Variants in TEC observed in about 807,000 individuals in gnomAD.
TEC encodes the protein tec protein tyrosine kinase, also known as tyrosine-protein kinase Tec.
TEC carries 72 observed loss-of-function variants against 93.0 expected under a neutral mutation model. The ratio of observed to expected loss-of-function variants is 0.77; its 90% CI spans 0.64 to 0.94. TEC has a LOEUF of 0.94. Among genes scored for constraint, TEC ranks in the 40% least tolerant of loss-of-function variants. The probability of loss-of-function intolerance (pLI) is 0.00; values close to 1 mark genes in which losing one functional copy is unlikely to be tolerated. For synonymous variants in TEC, 249 were observed against 247.7 expected (o/e 1.01, Z -0.05); for missense variants, 630 against 757.9 (o/e 0.83, Z 1.98).
intron 9 of TEC, among the ~76,000 whole-genome samples, chr4:48,152,537 T>C (rs1720217778): frequency 1.3e-5 from 2 of 152,244 alleles, no homozygotes; most frequent in Admixed American, 6.5e-5. Context: ...TGTTCTAGCA[T>C]ATTAATTTAT....
intron 1 of TEC, among the ~76,000 whole-genome samples, chr4:48,239,805 G>A (rs867231547): frequency 6.6e-6 from 1 of 152,012 alleles, no homozygotes; most frequent in Non-Finnish European, 1.5e-5. Context: ...ATTCAGGAGG[G>A]TCTGACATAT....
At chr4:48,193,977 C>T (rs1366361409) in intron 2 of TEC, among the ~76,000 whole-genome samples, 1 of 152,078 alleles carries the variant, frequency 6.6e-6, no homozygotes, top group South Asian at 2.1e-4. Context: ...AGCAAGTAAT[C>T]CAAATACGCA....
intron 2 of TEC, among the ~76,000 whole-genome samples, chr4:48,197,744 T>G (rs1042339228): frequency 1.3e-5 from 2 of 152,204 alleles, no homozygotes; most frequent in Non-Finnish European, 2.9e-5. Context: ...TCAGCATCCA[T>G]TTTGAATAGA....
At chr4:48,236,636 C>A (rs1723793895) in intron 1 of TEC, among the ~76,000 whole-genome samples, 1 of 152,202 alleles carries the variant, frequency 6.6e-6, no homozygotes, top group African/African-American at 2.4e-5. Flanking sequence ...TTTTCTATCT[C>A]ATTGGAGTTG....
chr4:48,261,415 AT>A (rs1360771448), intron 1 of TEC, among the ~76,000 whole-genome samples: 1 of 152,204 alleles, frequency 6.6e-6, no homozygotes, highest in Non-Finnish European at 1.5e-5. Context: ...GCATGCTTAA[AT>A]CATATTGGCA....
At chr4:48,230,424 C>CA (rs1723613715) in intron 1 of TEC, among the ~76,000 whole-genome samples, 2 of 152,288 alleles carry the variant, frequency 1.3e-5, no homozygotes, top group African/African-American at 4.8e-5. Context: ...AAGAACTGAC[C>CA]ATGAAAATAC....
At chr4:48,208,887 T>C (rs910973883) in intron 2 of TEC, among the ~76,000 whole-genome samples, 3 of 152,222 alleles carry the variant, frequency 2.0e-5, no homozygotes, top group African/African-American at 7.2e-5. Flanking sequence ...TAAAAAAGAA[T>C]TGGGGGTGGT....
intron 2 of TEC, among the ~76,000 whole-genome samples, chr4:48,208,833 A>G (rs1722801112): frequency 6.6e-6 from 1 of 152,264 alleles, no homozygotes; most frequent in Admixed American, 6.5e-5. Context: ...TACTTGGCAC[A>G]AAGTAGGTGC....
chr4:48,264,325 A>T (rs987957510), intron 1 of TEC, among the ~76,000 whole-genome samples: 6 of 152,208 alleles, frequency 3.9e-5, no homozygotes, highest in Admixed American at 2.6e-4. Flanking sequence ...CAGTTAGGTG[A>T]CTGCCCCTTC....
chr4:48,186,439 C>G (rs1253078800), intron 2 of TEC, among the ~76,000 whole-genome samples: 20 of 150,724 alleles, frequency 1.3e-4, no homozygotes, highest in Admixed American at 4.0e-4. Flanking sequence ...CGCCCATCGT[C>G]TGAGATGTGG....
At chr4:48,197,899 C>T (rs1446643129) in intron 2 of TEC, among the ~76,000 whole-genome samples, 1 of 152,128 alleles carries the variant, frequency 6.6e-6, no homozygotes, top group Non-Finnish European at 1.5e-5. Flanking sequence ...CCCACTTTAT[C>T]GAAGCTTCCC....
Position 48,228,462 on chromosome 4 carries a change from G to GT in TEC, c.138+14dup. ...TACATAGAAAGCAGAAAAGTAAATC[G>GT]TGATTGTCTCTTACCTCTGCTCGAC... On this transcript the variant is annotated intron_variant, in intron 2 of 17. Transcript: ENST00000381501. 6.4e-7 allele frequency: 1 copy of GT among 1,562,964 alleles called. No homozygotes were observed. Among genetic ancestry groups the GT allele is most frequent in the Non-Finnish European group, 8.6e-7 (1 of 1,160,468 alleles).
chr4:48,264,066 G>A (rs1484127353), intron 1 of TEC, among the ~76,000 whole-genome samples: 3 of 152,128 alleles, frequency 2.0e-5, no homozygotes, highest in Non-Finnish European at 2.9e-5. Flanking sequence ...TGACAATAAA[G>A]AAATTTTTTT....
intron 2 of TEC, among the ~76,000 whole-genome samples, chr4:48,211,825 C>A (rs1722909736): frequency 6.6e-6 from 1 of 152,088 alleles, no homozygotes; most frequent in African/African-American, 2.4e-5. Context: ...AGGCTGGGCA[C>A]AGTGGCTCAT....
At chr4:48,254,612 C>T (rs1049973425) in intron 1 of TEC, among the ~76,000 whole-genome samples, 2 of 152,212 alleles carry the variant, frequency 1.3e-5, no homozygotes, top group Admixed American at 6.5e-5. Flanking sequence ...GCAAGGCCTC[C>T]GCCTACACTG....
Position 48,145,093 on chromosome 4 carries a change from T to C in TEC, c.1456A>G (p.Ile486Val). ...GMEYLERNSF[I>V]HRDLAARNCL... ...GCTAGGGTTACCAGATCTCTGTGGA[T>C]GAAGCTGTTTCTCTCCAGATACTCC... The change falls in exon 14 of 18, where the codon ATC (isoleucine) becomes GTC (valine). Residue 486 changes from isoleucine to valine, a missense_variant. Ile to Val is a conservative substitution (Grantham distance 29). Transcript: ENST00000381501. 6.2e-7 allele frequency: 1 copy of C among 1,613,980 alleles called. No individual in the cohort carries two copies. The highest frequency in any genetic ancestry group is 8.5e-7 in the Non-Finnish European group (1 of 1,179,882).
At chr4:48,235,219 A>C (rs1030269723) in intron 1 of TEC, among the ~76,000 whole-genome samples, 1 of 152,098 alleles carries the variant, frequency 6.6e-6, no homozygotes, top group Non-Finnish European at 1.5e-5. Context: ...CTATTTGGGG[A>C]TCTACCTGCT....
intron 11 of TEC, among the ~76,000 whole-genome samples, chr4:48,147,249 G>A (rs749263180): frequency 2.0e-5 from 3 of 152,110 alleles, no homozygotes; most frequent in Admixed American, 6.6e-5. Flanking sequence ...ACCATATGAC[G>A]CAGCATACCC....
chr4:48,148,937 T>A (rs1268655237), intron 11 of TEC, among the ~76,000 whole-genome samples: 1 of 152,072 alleles, frequency 6.6e-6, no homozygotes, highest in Non-Finnish European at 1.5e-5. Flanking sequence ...TGGTTTTCTG[T>A]TCCTGTGTTA....
Sources: allele counts gnomAD v4.1 joint callset (sites outside exome capture counted in the v4.1 genomes callset), GRCh38; gene constraint gnomAD v4.1.1; transcripts MANE v1.5; gene names NCBI Gene and HGNC (gene_info 2026-07-23, HGNC 2026-07-21).